VTCN1: variants seen among roughly 807,000 people sequenced by gnomAD.
The protein encoded by VTCN1 is V-set domain-containing T-cell activation inhibitor 1.
VTCN1 carries 26 observed loss-of-function variants against 26.5 expected under a neutral mutation model. That is an observed-to-expected ratio of 0.98 (90% CI 0.72 to 1.36). The LOEUF (loss-of-function observed/expected upper bound fraction) is 1.36. Among genes scored for constraint, VTCN1 ranks in the 40% most tolerant of loss-of-function variants. The pLI is 0.00. For missense variants in VTCN1, 298 were observed against 337.7 expected (o/e 0.88, Z 0.92); for synonymous variants, 116 against 130.7 (o/e 0.89, Z 0.77).
At chr1:117,206,355 G>A (rs891854883) in intron 1 of VTCN1, among the ~76,000 whole-genome samples, 1 of 152,116 alleles carries the variant, frequency 6.6e-6, no homozygotes, top group Non-Finnish European at 1.5e-5. Flanking sequence ...CAAGAACCAT[G>A]GATTGTAGAG....
At position 117,189,349 on chromosome 1, in the gene VTCN1, C is replaced by A. The variant is rs79906739; in HGVS notation, c.33-19178G>T. ...TCTGCATGATTTACTCCATTGAACTCGTAATTGTGAGTTGGAGAATGTGGA... is the reference window on the plus strand; with the variant it reads ...TCTGCATGATTTACTCCATTGAACTAGTAATTGTGAGTTGGAGAATGTGGA... On this transcript the variant is annotated intron_variant, in intron 1 of 5. Coordinates refer to ENST00000369458, the MANE Select transcript of VTCN1 (RefSeq NM_024626.4). 5.7e-3 allele frequency among the ~76,000 whole-genome samples: 866 copies of A among 152,214 alleles called. 10 individuals carry two copies. The highest frequency in any genetic ancestry group is 0.02 in the African/African-American group (839 of 41,520).
chr1:117,151,368 C>T (rs1044773769), intron 4 of VTCN1, among the ~76,000 whole-genome samples: 8 of 152,164 alleles, frequency 5.3e-5, no homozygotes, highest in Non-Finnish European at 8.8e-5. Flanking sequence ...GTGAGAGTCA[C>T]AGCTCTTAAA....
intron 1 of VTCN1, among the ~76,000 whole-genome samples, chr1:117,184,926 C>A (rs780842957): frequency 1.3e-5 from 2 of 152,160 alleles, no homozygotes; most frequent in Non-Finnish European, 1.5e-5. Context: ...GGCCTGGAAG[C>A]AATGCCCAGC....
chr1:117,200,937 T>C (rs1449241519), intron 1 of VTCN1, among the ~76,000 whole-genome samples: 2 of 151,988 alleles, frequency 1.3e-5, no homozygotes, highest in Non-Finnish European at 2.9e-5. Context: ...TTTTGGTTTG[T>C]TTTTTGTTTG....
chr1:117,153,408 C>G (rs1651904643), intron 3 of VTCN1, 39 bp from the exon 4 acceptor site: 4 of 1,571,666 alleles, frequency 2.5e-6, no homozygotes, highest in Non-Finnish European at 3.5e-6. Flanking sequence ...ATGCCAAAGT[C>G]AGACACGTAA....
At chr1:117,165,799 T>C (rs1433466870) in intron 2 of VTCN1, among the ~76,000 whole-genome samples, 1 of 152,240 alleles carries the variant, frequency 6.6e-6, no homozygotes, top group Non-Finnish European at 1.5e-5. Flanking sequence ...ATACATATCA[T>C]CATCTGCTTA....
intron 1 of VTCN1, among the ~76,000 whole-genome samples, chr1:117,194,997 GGCTC>G (rs1648438072): frequency 1.3e-5 from 2 of 152,074 alleles, no homozygotes; most frequent in African/African-American, 2.4e-5. Flanking sequence ...CGGGCACGGT[GGCTC>G]ATGCCTATAA....
At chr1:117,195,068 C>T (rs1457151646) in intron 1 of VTCN1, among the ~76,000 whole-genome samples, 2 of 139,364 alleles carry the variant, frequency 1.4e-5, no homozygotes, top group Non-Finnish European at 3.0e-5. Context: ...GAGTTCGAGA[C>T]CAGCCTAATA....
intron 1 of VTCN1, among the ~76,000 whole-genome samples, chr1:117,190,512 T>C (rs141704126): frequency 6.6e-6 from 1 of 152,288 alleles, no homozygotes; most frequent in Non-Finnish European, 1.5e-5. Context: ...GCCATAGCCA[T>C]ACACACACCT....
chr1:117,157,003 C>A (rs6690933), intron 2 of VTCN1, 82 bp from the exon 3 acceptor site: 3 of 1,607,292 alleles, frequency 1.9e-6, no homozygotes, highest in Admixed American at 3.3e-5. Context: ...GAAAGCCAGA[C>A]AGAGACTTCT....
At chr1:117,194,622 G>A (rs554973035) in intron 1 of VTCN1, among the ~76,000 whole-genome samples, 2 of 152,254 alleles carry the variant, frequency 1.3e-5, no homozygotes, top group East Asian at 3.9e-4. Flanking sequence ...AACAAACTGT[G>A]TCTATCAATA....
At position 117,183,368 on chromosome 1, in the gene VTCN1, A is replaced by G. The variant is rs1647767363; in HGVS notation, c.33-13197T>C. On this transcript the variant is annotated intron_variant, in intron 1 of 5. Transcript: ENST00000369458. This position sits in a 1 kb window ranked among gnomAD's most constrained non-coding sequence, Gnocchi z 4.1. ...TCTTTAAAATATGTTGAATTAATGA[A>G]TAAATAAATATCCATGCTGTGCTAC... is the stretch of plus-strand genomic sequence containing the variant. 6.6e-6 allele frequency among the ~76,000 whole-genome samples: 1 copy of G among 152,252 alleles called. No individual in the cohort carries two copies. The highest frequency in any genetic ancestry group is 1.5e-5 in the Non-Finnish European group (1 of 68,054).
At chr1:117,174,162 C>T (rs1173683538) in intron 1 of VTCN1, among the ~76,000 whole-genome samples, 1 of 152,138 alleles carries the variant, frequency 6.6e-6, no homozygotes, top group Non-Finnish European at 1.5e-5. Flanking sequence ...TTTCCAATAA[C>T]TATGCTGCAG....
intron 1 of VTCN1, among the ~76,000 whole-genome samples, chr1:117,203,028 G>C (rs1648865985): frequency 6.6e-6 from 1 of 152,134 alleles, no homozygotes; most frequent in Admixed American, 6.5e-5. Flanking sequence ...TGGAGGAGGT[G>C]TTTGCGAGCT....
chr1:117,162,635 T>G (rs13375667), intron 2 of VTCN1, among the ~76,000 whole-genome samples: 4,051 of 152,230 alleles, frequency 0.027, 173 homozygotes, highest in African/African-American at 0.093. Context: ...CCCTTTAAAA[T>G]TGGAAGACTG....
intron 1 of VTCN1, among the ~76,000 whole-genome samples, chr1:117,172,893 A>G (rs1041213779): frequency 6.6e-6 from 1 of 152,220 alleles, no homozygotes; most frequent in Non-Finnish European, 1.5e-5. Flanking sequence ...TGGACCAATC[A>G]GCAGGATGTG....
chr1:117,210,796 T>C (rs1391147305), intron 1 of VTCN1, 28 bp downstream of exon 1: 1 of 1,612,008 alleles, frequency 6.2e-7, no homozygotes, highest in Non-Finnish European at 8.5e-7. Flanking sequence ...CCTTCACCCA[T>C]AAGGATAGAG....
Position 117,153,296 on chromosome 1 carries a change from C to T in VTCN1, c.519G>A (p.Trp173Ter). The change falls in exon 4 of 6, where the codon TGG (tryptophan) becomes TGA (stop). Residue 173 changes from tryptophan to a stop codon, truncating the protein, a stop_gained. Transcript: ENST00000369458. LOFTEE classifies it high-confidence loss of function. Reference sequence around the variant, plus strand: ...CCCAGACCACTGTGGGCTGGGGGAACCATCGGGGAGCCTCACACCGCAAGG... The same window carrying T: ...CCCAGACCACTGTGGGCTGGGGGAATCATCGGGGAGCCTCACACCGCAAGG... ...SETLRCEAPR[W>*]FPQPTVVWAS... 2 of 1,614,072 alleles carry T rather than the reference C, an allele frequency of 1.2e-6. No homozygotes were observed. Among genetic ancestry groups the T allele is most frequent in the Non-Finnish European group, 1.7e-6 (2 of 1,180,004 alleles).
intron 2 of VTCN1, 116 bp from the exon 3 acceptor site, chr1:117,157,037 A>T (rs1268126275): frequency 1.3e-6 from 2 of 1,587,980 alleles, no homozygotes; most frequent in Non-Finnish European, 1.7e-6. Context: ...AATACAGAAG[A>T]ACATGAGAGG....
Sources: allele counts gnomAD v4.1 joint callset (sites outside exome capture counted in the v4.1 genomes callset), GRCh38; gene constraint gnomAD v4.1.1; non-coding constraint Gnocchi (gnomAD v3.1); transcripts MANE v1.5; gene names NCBI Gene and HGNC (gene_info 2026-07-23, HGNC 2026-07-21).